LRP1B: variants seen among roughly 807,000 people sequenced by gnomAD.
LRP1B encodes the protein low-density lipoprotein receptor-related protein 1B.
A neutral mutation model predicts 556.6 loss-of-function variants in LRP1B; 217 were observed. The ratio of observed to expected loss-of-function variants is 0.39; its 90% confidence interval spans 0.35 to 0.44. LRP1B has a LOEUF of 0.44. Ranked by LOEUF, LRP1B falls within the 20% of genes least tolerant of loss-of-function variation. The pLI is 1.00. For missense variants in LRP1B, 5,053 were observed against 5,620.8 expected, an observed-to-expected ratio of 0.90 and a Z score of 3.23; for synonymous variants, 2,047 against 1,865.8, an observed-to-expected ratio of 1.10 and a Z score of -2.50.
At chr2:140,239,370 AC>A in intron 88 of LRP1B, 71 bp downstream of exon 88, 1 of 967,316 alleles carries the variant, frequency 1.0e-6, no homozygotes, top group Non-Finnish European at 1.6e-6. Context: ...AAAATTAACA[AC>A]AAACATTATG....
At chr2:141,583,906 A>ATTTTT (rs113916906) in intron 2 of LRP1B, among the ~76,000 whole-genome samples, 1 of 145,482 alleles carries the variant, frequency 6.9e-6, no homozygotes, top group African/African-American at 2.5e-5. Flanking sequence ...TGCCCGGCTA[A>ATTTTT]TTTTTTTTTT....
intron 2 of LRP1B, among the ~76,000 whole-genome samples, chr2:141,514,399 G>C (rs1169961788): frequency 6.6e-6 from 1 of 152,094 alleles, no homozygotes; most frequent in Non-Finnish European, 1.5e-5. Flanking sequence ...TTTCTCGTTG[G>C]CCCTGCAAGG....
chr2:141,617,585 A>T (rs890470211), intron 2 of LRP1B, among the ~76,000 whole-genome samples: 1 of 152,184 alleles, frequency 6.6e-6, no homozygotes, highest in Non-Finnish European at 1.5e-5. Flanking sequence ...GTCTTTTCTC[A>T]TAAGATTGTG....
Position 140,371,250 on chromosome 2 carries a change from C to A in LRP1B, c.10804G>T (p.Ala3602Ser), listed in dbSNP as rs763615773. 2.5e-6 allele frequency: 4 copies of A among 1,594,380 alleles called. No homozygotes were observed. The highest frequency in any genetic ancestry group is 1.7e-5 in the Admixed American group (1 of 57,564). The change falls in exon 70 of 91, where the codon GCC (alanine) becomes TCC (serine). Residue 3602 changes from alanine (A) to serine (S), a missense_variant. Around this residue, in one of 5 missense-constraint regions of LRP1B, gnomAD observed 599 missense variants for 648.4 expected, o/e 0.92. Transcript: ENST00000389484. ...GATGCTGAAATACATCCATCACTGG[C>A]ACATATATATTCACGTGATGAGCAA... ...PTCSSREYIC[A>S]SDGCISASLK...
At chr2:142,053,077 A>T (rs774228460) in intron 1 of LRP1B, among the ~76,000 whole-genome samples, 2 of 152,136 alleles carry the variant, frequency 1.3e-5, no homozygotes, top group Non-Finnish European at 2.9e-5. Context: ...ACAAACAAAA[A>T]TAAATAAGAT....
intron 1 of LRP1B, among the ~76,000 whole-genome samples, chr2:142,102,405 C>A (rs993310910): frequency 4.0e-5 from 6 of 151,736 alleles, no homozygotes; most frequent in Non-Finnish European, 8.8e-5. Flanking sequence ...CACTTAAGAT[C>A]TGGCAGCCAT....
intron 2 of LRP1B, among the ~76,000 whole-genome samples, chr2:141,670,989 G>A (rs1690645832): frequency 6.6e-6 from 1 of 152,130 alleles, no homozygotes; most frequent in South Asian, 2.1e-4. Flanking sequence ...ATGGTATCAT[G>A]TGCTGTGGTT....
intron 3 of LRP1B, among the ~76,000 whole-genome samples, chr2:141,353,405 C>A (rs1688513859): frequency 6.6e-6 from 1 of 151,942 alleles, no homozygotes; most frequent in South Asian, 2.1e-4. Flanking sequence ...TTAAACTGTT[C>A]TATCAAACTC....
At chr2:141,110,019 T>G (rs1313671810) in intron 7 of LRP1B, among the ~76,000 whole-genome samples, 1 of 151,636 alleles carries the variant, frequency 6.6e-6, no homozygotes, top group Non-Finnish European at 1.5e-5. Flanking sequence ...AGTCAGAGAG[T>G]GGGGAAAACT....
chr2:140,660,958 A>G (rs1027846884), intron 41 of LRP1B, among the ~76,000 whole-genome samples: 15 of 151,558 alleles, frequency 9.9e-5, no homozygotes, highest in Admixed American at 9.2e-4. Flanking sequence ...TTTTCTTAAT[A>G]TTATTAATAA....
chr2:141,195,377 C>A (rs888578104), intron 6 of LRP1B, among the ~76,000 whole-genome samples: 3 of 152,126 alleles, frequency 2.0e-5, no homozygotes, highest in African/African-American at 7.2e-5. Context: ...TCATGAGAGT[C>A]TCTATAACAG....
At chr2:141,033,193 C>G (rs866405030) in intron 11 of LRP1B, among the ~76,000 whole-genome samples, 2 of 150,994 alleles carry the variant, frequency 1.3e-5, no homozygotes, top group Non-Finnish European at 3.0e-5. Flanking sequence ...AGAGTGTGCA[C>G]GAACAGTGGT....
intron 41 of LRP1B, among the ~76,000 whole-genome samples, chr2:140,634,742 G>A (rs1209168127): frequency 6.6e-6 from 1 of 151,936 alleles, no homozygotes; most frequent in African/African-American, 2.4e-5. Context: ...CCTAGCTGAA[G>A]GACATTATAT....
At chr2:141,131,074 C>T (rs1342991749) in intron 7 of LRP1B, among the ~76,000 whole-genome samples, 1 of 151,952 alleles carries the variant, frequency 6.6e-6, no homozygotes, top group African/African-American at 2.4e-5. Context: ...TGCAGCAAAC[C>T]ACCATGGCAC....
intron 68 of LRP1B, among the ~76,000 whole-genome samples, 167 bp from the exon 69 acceptor site, chr2:140,373,304 T>C (rs1360694730): frequency 6.6e-6 from 1 of 152,150 alleles, no homozygotes; most frequent in African/African-American, 2.4e-5. Context: ...AATTGCGTTT[T>C]TAGAAAAATG....
At position 140,769,313 on chromosome 2, in the gene LRP1B, A is replaced by G. The variant is rs765252313; in HGVS notation, c.5658T>C (p.His1886=). Residue 1886 remains histidine (H), a synonymous_variant, in exon 35 of 91, where the codon CAT becomes CAC. Coordinates refer to ENST00000389484, the MANE Select transcript of LRP1B (RefSeq NM_018557.3). The stretch of plus-strand genomic sequence containing the variant: ...CAAGAGGTATTCCCCTGATTCCTTC[A>G]TGAACAGAGTACATAAGAAATGATT... ...GIESFLMYSV[H]EGIRGIPLEP... 1 of 1,611,998 alleles carries G rather than the reference A, an allele frequency of 6.2e-7. No homozygotes were observed. Among genetic ancestry groups the G allele is most frequent in the Non-Finnish European group, 8.5e-7 (1 of 1,178,512 alleles).
intron 2 of LRP1B, among the ~76,000 whole-genome samples, chr2:141,569,969 A>G (rs747718604): frequency 1.3e-5 from 2 of 151,064 alleles, no homozygotes; most frequent in African/African-American, 2.4e-5. Context: ...GCAGTGGCTC[A>G]TGCCTGTAAT....
chr2:141,906,817 G>C (rs1699772632), intron 1 of LRP1B, among the ~76,000 whole-genome samples: 1 of 151,940 alleles, frequency 6.6e-6, no homozygotes, highest in Admixed American at 6.6e-5. Context: ...CAGAATACTT[G>C]TAATCTTGTA....
rs145476824 is a variant in LRP1B, at chr2:140,387,415, T to C, written c.10415-1406A>G. ...CCAATCCTCACAATATTTTAAAGTA[T>C]TGTTATATTTATTTAAACATATGAG... On this transcript the variant is annotated intron_variant, in intron 66 of 90. Transcript: ENST00000389484. Among the ~76,000 whole-genome samples the C allele has an allele frequency of 9.7e-3, 1,474 of 152,284 alleles. 20 individuals carry two copies. The highest frequency in any genetic ancestry group is 0.034 in the African/African-American group (1,394 of 41,562).
Sources: allele counts gnomAD v4.1 joint callset (sites outside exome capture counted in the v4.1 genomes callset), GRCh38; gene constraint gnomAD v4.1.1; regional missense constraint gnomAD v4.1.1; transcripts MANE v1.5; gene names NCBI Gene and HGNC (gene_info 2026-07-23, HGNC 2026-07-21).